The following DYRK1A variants were observed in gnomAD, a reference collection of about 807,000 sequenced individuals.
DYRK1A encodes the protein dual specificity tyrosine phosphorylation regulated kinase 1A, also known as dual specificity tyrosine-phosphorylation-regulated kinase 1A.
DYRK1A carries 9 observed loss-of-function variants against 79.7 expected under a neutral mutation model. The observed-to-expected ratio is 0.11, with a 90% CI of 0.07 to 0.20. DYRK1A has a LOEUF of 0.20. Among genes scored for constraint, DYRK1A ranks in the 10% least tolerant of loss-of-function variants. The pLI, the probability that DYRK1A is intolerant of heterozygous loss-of-function variation, is 1.00. For synonymous variants in DYRK1A, 349 were observed against 329.7 expected (o/e 1.06, Z -0.63); for missense variants, 622 against 956.0 (o/e 0.65, Z 4.61).
At chr21:37,508,872 C>T (rs1191680782) in intron 11 of DYRK1A, among the ~76,000 whole-genome samples, 1 of 152,154 alleles carries the variant, frequency 6.6e-6, no homozygotes, top group African/African-American at 2.4e-5. Flanking sequence ...TATCACTACT[C>T]CCAGGGGCTC....
chr21:37,501,224 G>A (rs1193517925), intron 9 of DYRK1A: 2 of 141,684 alleles, frequency 1.4e-5, no homozygotes, highest in Non-Finnish European at 3.0e-5. Flanking sequence ...AGGCTGGAGT[G>A]CAGTGGTGTG....
chr21:37,434,517 A>G (rs538251835), intron 2 of DYRK1A, among the ~76,000 whole-genome samples: 1 of 152,180 alleles, frequency 6.6e-6, no homozygotes, highest in Non-Finnish European at 1.5e-5. Flanking sequence ...AGCTGTTAGT[A>G]TGTACTGACA....
At chr21:37,469,797 C>T (rs1402674888) in intron 2 of DYRK1A, among the ~76,000 whole-genome samples, 3 of 152,210 alleles carry the variant, frequency 2.0e-5, no homozygotes, top group Admixed American at 6.5e-5. Context: ...CGGGGCCCTC[C>T]TCCAATATTG....
At chr21:37,472,137 G>C (rs761725034) in intron 2 of DYRK1A, among the ~76,000 whole-genome samples, 9 of 152,106 alleles carry the variant, frequency 5.9e-5, no homozygotes, top group Non-Finnish European at 1.2e-4. Flanking sequence ...GGGTTGAGAA[G>C]TTTAGTTCTG....
intron 9 of DYRK1A, chr21:37,504,046 C>CT (rs1242507344): frequency 3.9e-5 from 6 of 152,218 alleles, no homozygotes; most frequent in African/African-American, 1.2e-4. Flanking sequence ...CCTCTCAACT[C>CT]TGTCAGGCCC....
intron 1 of DYRK1A, among the ~76,000 whole-genome samples, chr21:37,402,789 G>A (rs1363042573): frequency 6.6e-6 from 1 of 151,614 alleles, no homozygotes; most frequent in African/African-American, 2.4e-5. Flanking sequence ...TTGAGACAGA[G>A]TCTTACTCTG....
chr21:37,506,114 C>T lies in DYRK1A; in HGVS notation c.1535C>T (p.Thr512Ile). 6.2e-7 allele frequency: 1 copy of T among 1,611,918 alleles called. No individual in the cohort carries two copies. The highest frequency in any genetic ancestry group is 8.5e-7 in the Non-Finnish European group (1 of 1,178,224). The change falls in exon 11 of 12, where the codon ACA becomes ATA. Residue 512 changes from threonine (T) to isoleucine (I), a missense_variant. Around this residue, in one of 5 missense-constraint regions of DYRK1A, gnomAD observed 292 missense variants for 316.7 expected, o/e 0.92. Coordinates refer to ENST00000647188, the MANE Select transcript of DYRK1A (RefSeq NM_001347721.2). ...TSSSSGGSSG[T>I]SNSGRARSDP... ...GATATTTCAGGTGGCTCATCGGGGA[C>T]AAGCAACAGTGGGAGAGCCCGGTCG...
intron 7 of DYRK1A, among the ~76,000 whole-genome samples, chr21:37,492,067 T>TCTCAGGAGTGGTGAGTGTTTGGGC (rs1343322357): frequency 6.6e-6 from 1 of 152,182 alleles, no homozygotes; most frequent in Non-Finnish European, 1.5e-5. Flanking sequence ...GAAATAAAAG[T>TCTCAGGAGTGGTGAGTGTTTGGGC]CTCAGGAGTG....
intron 1 of DYRK1A, among the ~76,000 whole-genome samples, chr21:37,373,246 C>G (rs970719962): frequency 1.3e-4 from 20 of 152,218 alleles, no homozygotes; most frequent in African/African-American, 4.8e-4. Context: ...AAATGAGACA[C>G]TATAATGAAG....
In DYRK1A at chr21:37,455,817, T is replaced by C. The variant is rs555806543; in HGVS notation, c.11-16867T>C. ...TTAAACATTAACTCTTTACTGTTCT[T>C]AGTACCTTGAGGTTTAAGTACTGTT... On this transcript the variant is annotated intron_variant, in intron 2 of 11. Coordinates refer to ENST00000647188, the MANE Select transcript of DYRK1A (RefSeq NM_001347721.2). Among the ~76,000 whole-genome samples the C allele has an allele frequency of 5.9e-5, 9 of 152,342 alleles. No individual in the cohort carries two copies. The South Asian group carries it at 1.9e-3, about 32-fold the overall frequency.
rs1026043348 is a variant in DYRK1A at position 37,513,638 on chromosome 21, T to G, written c.*1107T>G. On this transcript the variant is annotated 3_prime_UTR_variant, in exon 12 of 12. Transcript: ENST00000647188. ...AGCTACAGCTGTGTCCCTTCCTGCTTTTTACTTTTTCTTTTGCTTTTTCTC... is the reference window on the plus strand; with the variant it reads ...AGCTACAGCTGTGTCCCTTCCTGCTGTTTACTTTTTCTTTTGCTTTTTCTC... The G allele has an allele frequency of 5.2e-5, 8 of 152,620 alleles. No individual in the cohort carries two copies. The highest frequency in any genetic ancestry group is 1.9e-4 in the African/African-American group (8 of 41,448). The allele number at this position is 152,620 out of a possible 1,614,324, so 9.5% of individuals were successfully genotyped here.
chr21:37,392,543 C>T (rs915372923), intron 1 of DYRK1A, among the ~76,000 whole-genome samples: 2 of 152,172 alleles, frequency 1.3e-5, no homozygotes, highest in Admixed American at 6.5e-5. Flanking sequence ...CGGTGTTTGC[C>T]GAAGGCCTGC....
chr21:37,505,776 A>G (rs1180045717), intron 10 of DYRK1A, among the ~76,000 whole-genome samples, 187 bp downstream of exon 10: 3 of 152,240 alleles, frequency 2.0e-5, no homozygotes, highest in Non-Finnish European at 4.4e-5. Flanking sequence ...TACGCATGTA[A>G]TAAAATCTGC....
chr21:37,474,484 G>A (rs1472980207), intron 3 of DYRK1A, among the ~76,000 whole-genome samples: 3 of 152,138 alleles, frequency 2.0e-5, no homozygotes, highest in Non-Finnish European at 2.9e-5. Flanking sequence ...CATATTAGAG[G>A]ATCCCTTTCC....
chr21:37,480,853 C>T, intron 5 of DYRK1A, 27 bp downstream of exon 5: 1 of 1,545,410 alleles, frequency 6.5e-7, no homozygotes, highest in Non-Finnish European at 8.7e-7. Context: ...TGCTGAATTT[C>T]ATTAGTTAGA....
chr21:37,480,026 CG>C (rs2052580025), intron 4 of DYRK1A, among the ~76,000 whole-genome samples: 1 of 151,984 alleles, frequency 6.6e-6, no homozygotes, highest in Admixed American at 6.6e-5. Flanking sequence ...TTTCATTAAT[CG>C]TTATATTTTT....
chr21:37,372,656 C>T (rs990788424), intron 1 of DYRK1A, among the ~76,000 whole-genome samples: 2 of 152,030 alleles, frequency 1.3e-5, no homozygotes, highest in Non-Finnish European at 2.9e-5. Context: ...AACATCAGTT[C>T]CCTCATCTGT....
At chr21:37,480,571 A>T in intron 4 of DYRK1A, 67 bp from the exon 5 acceptor site, 1 of 1,268,772 alleles carries the variant, frequency 7.9e-7, no homozygotes, top group Non-Finnish European at 1.1e-6. Flanking sequence ...GTGTCAATAT[A>T]CTCTGATAAT....
At chr21:37,458,268 C>CTGTGTGTGTGTGTGTG (rs3138683) in intron 2 of DYRK1A, among the ~76,000 whole-genome samples, 1,789 of 130,502 alleles carry the variant, frequency 0.014, 23 homozygotes, top group Non-Finnish European at 0.017. Flanking sequence ...GGGTAATTTA[C>CTGTGTGTGTGTGTGTG]TGTGTGTGTG....
Sources: gnomAD v4.1 joint callset for allele counts (sites outside exome capture counted in the v4.1 genomes callset) on GRCh38, gnomAD v4.1.1 for gene constraint, gnomAD v4.1.1 regional missense constraint, MANE v1.5 for transcripts, NCBI Gene and HGNC (gene_info 2026-07-23, HGNC 2026-07-21) for gene names.